Variants in CES3 observed in about 807,000 individuals in gnomAD.
The protein encoded by CES3 is carboxylesterase 3 (brain).
A neutral mutation model predicts 57.6 loss-of-function variants in CES3; 49 were observed. That is an observed-to-expected ratio of 0.85 (90% CI 0.68 to 1.08). The LOEUF (loss-of-function observed/expected upper bound fraction) is 1.08. CES3 is among the 50% of genes least tolerant of loss of function. CES3 has a pLI of 0.00. For missense variants in CES3, 645 were observed against 742.0 expected, an observed-to-expected ratio of 0.87 and a Z score of 1.52; for synonymous variants, 266 against 281.6, an observed-to-expected ratio of 0.94 and a Z score of 0.55.
At position 66,969,728 on chromosome 16, in the gene CES3, T is replaced by C. The variant is rs1471104777; in HGVS notation, c.1112T>C (p.Leu371Pro). The C allele has an allele frequency of 1.2e-6, 2 of 1,613,334 alleles. No homozygotes were observed. Among genetic ancestry groups the C allele is most frequent in the Non-Finnish European group, 1.7e-6 (2 of 1,179,712 alleles). ...GAGCAGATGAGCCGGGAGGACATGC[T>C]GGCCATCTCAACACCCGTCTTGACC... ...TMEQMSREDMLAISTPVLTSL... is the reference protein window; with the variant it reads ...TMEQMSREDMPAISTPVLTSL... The change falls in exon 9 of 13, where the codon CTG becomes CCG. Residue 371 changes from leucine to proline, a missense_variant. Physicochemically the swap from Leu to Pro is moderately conservative, Grantham distance 98. Transcript: ENST00000303334.
rs1337622942 is a variant in CES3, at chr16:66,972,388, C to T, written c.1324C>T (p.Gln442Ter). The T allele has an allele frequency of 6.2e-7, 1 of 1,610,886 alleles. No homozygotes were observed. Among genetic ancestry groups the T allele is most frequent in the Non-Finnish European group, 8.5e-7 (1 of 1,178,432 alleles). Residue 442 changes from glutamine to a stop codon, truncating the protein, a stop_gained, in exon 11 of 13, where the codon CAG (glutamine) becomes TAG (stop). Transcript: ENST00000303334. LOFTEE classifies it high-confidence loss of function. ...AAGCCCTGTCTTTTTCTATGAGTTCCAGCATCGACCCAGTTCTTTTGCGAA... is the reference window on the plus strand; with the variant it reads ...AAGCCCTGTCTTTTTCTATGAGTTCTAGCATCGACCCAGTTCTTTTGCGAA... ...SGSPVFFYEF[Q>*]HRPSSFAKIK...
At chr16:66,962,721 A>AC (rs1302432861) in intron 1 of CES3, among the ~76,000 whole-genome samples, 3 of 151,778 alleles carry the variant, frequency 2.0e-5, no homozygotes, top group African/African-American at 7.3e-5. Flanking sequence ...ACATGATGAA[A>AC]CCCCGTCTCT....
Position 66,963,289 on chromosome 16 carries a change from T to C in CES3, c.193T>C (p.Phe65Leu), listed in dbSNP as rs545984352. ...TGTGAATGTCTTTCTGGGCATTCCA[T>C]TTGCCCAGCCGCCACTGGGCCCTGA... ...RLVNVFLGIP[F>L]AQPPLGPDRF... is the part of the protein sequence containing the mutation. Residue 65 changes from phenylalanine (F) to leucine (L), a missense_variant, in exon 2 of 13, where the codon TTT (phenylalanine) becomes CTT (leucine). Phe to Leu is a conservative substitution (Grantham distance 22). Coordinates refer to ENST00000303334, the MANE Select transcript of CES3 (RefSeq NM_024922.6). This position sits in a 1 kb window ranked among gnomAD's most constrained non-coding sequence, Gnocchi z 4.9. The C allele has an allele frequency of 1.1e-5, 18 of 1,613,516 alleles. No individual in the cohort carries two copies. Among genetic ancestry groups the C allele is most frequent in the Non-Finnish European group, 1.4e-5 (16 of 1,179,994 alleles).
chr16:66,966,845 T>C lies in CES3; in HGVS notation c.1042T>C (p.Phe348Leu). 1 of 1,614,022 alleles carries C rather than the reference T, an allele frequency of 6.2e-7. No homozygotes were observed. Among genetic ancestry groups the C allele is most frequent in the South Asian group, 1.1e-5 (1 of 91,080 alleles). ...CCTCATGGGTGTCAACAACCATGAG[T>C]TCAGCTGGCTCATCCCCAGGGTGAG... ...PFLMGVNNHE[F>L]SWLIPRGWGL... The change falls in exon 8 of 13, where the codon TTC (phenylalanine) becomes CTC (leucine). Residue 348 changes from phenylalanine to leucine, a missense_variant. Transcript: ENST00000303334.
In CES3 at chr16:66,973,341, T is replaced by G; in HGVS notation, c.*292T>G. 2.9e-6 allele frequency: 1 copy of G among 345,854 alleles called. No homozygotes were observed. The highest frequency in any genetic ancestry group is 6.0e-5 in the East Asian group (1 of 16,606). 21.4% of individuals were successfully genotyped at this position (345,854 alleles called of 1,614,324 possible). A position where few individuals can be genotyped will look rare whatever the true frequency, so the allele number is the denominator to read the frequency against. ...GGAGGACTCACTCCCCCAGGAAGCCTTCCCTGCCTTCTCTGGGCTGTGCGG... is the reference window on the plus strand; with the variant it reads ...GGAGGACTCACTCCCCCAGGAAGCCGTCCCTGCCTTCTCTGGGCTGTGCGG... On this transcript the variant is annotated 3_prime_UTR_variant, in exon 13 of 13. Coordinates refer to ENST00000303334, the MANE Select transcript of CES3 (RefSeq NM_024922.6).
chr16:66,970,505 T>G (rs1322194234), intron 9 of CES3, among the ~76,000 whole-genome samples: 4 of 152,046 alleles, frequency 2.6e-5, no homozygotes, highest in Non-Finnish European at 2.9e-5. Flanking sequence ...AGAGGCAGAG[T>G]TTAAGCCAGT....
intron 6 of CES3, among the ~76,000 whole-genome samples, chr16:66,965,918 C>T (rs1024138658): frequency 2.6e-5 from 4 of 152,012 alleles, no homozygotes; most frequent in Admixed American, 1.3e-4. Context: ...CCAGCCTGGG[C>T]GACAGAGCGA....
intron 11 of CES3, 22 bp downstream of exon 11, chr16:66,972,527 T>TA (rs1963855198): frequency 6.2e-7 from 1 of 1,608,096 alleles, no homozygotes; most frequent in African/African-American, 1.3e-5. Context: ...CAGACAGACA[T>TA]GTGATCCCTA....
At position 66,974,914 on chromosome 16, in the gene CES3, G is replaced by T. The variant is rs1365390174; in HGVS notation, c.*1865G>T. ...ACTCTGTATCTAGCTAATCTAGTGGGGATGTGGAGAACCTTTGTGTCTAGC... is the reference window on the plus strand; with the variant it reads ...ACTCTGTATCTAGCTAATCTAGTGGTGATGTGGAGAACCTTTGTGTCTAGC... On this transcript the variant is annotated 3_prime_UTR_variant, in exon 13 of 13. Transcript: ENST00000303334. 6.6e-6 allele frequency: 1 copy of T among 152,204 alleles called. No individual in the cohort carries two copies. Among genetic ancestry groups the T allele is most frequent in the Non-Finnish European group, 1.5e-5 (1 of 68,090 alleles). 9.4% of individuals were successfully genotyped at this position (152,204 alleles called of 1,614,324 possible). A position where few individuals can be genotyped will look rare whatever the true frequency, so the allele number is the denominator to read the frequency against.
At chr16:66,969,629 GGGTGAGCC>G in intron 8 of CES3, 42 bp from the exon 9 acceptor site, 1 of 1,562,918 alleles carries the variant, frequency 6.4e-7, no homozygotes, top group Non-Finnish European at 8.8e-7. Flanking sequence ...CTGGGAGTCG[GGGTGAGCC>G]GGTGGTCAGG....
In CES3 at chr16:66,963,153, C is replaced by T. The variant is rs1012046537; in HGVS notation, c.83-26C>T. ...CCCTCATGGGGGCTGCAAACTCACCCCGTGGCCTTTCTGTCCTTCCCTCAG... is the reference window on the plus strand; with the variant it reads ...CCCTCATGGGGGCTGCAAACTCACCTCGTGGCCTTTCTGTCCTTCCCTCAG... On this transcript the variant is annotated intron_variant, in intron 1 of 12. Transcript: ENST00000303334. The surrounding 1 kb of genome is among the most constrained non-coding windows in gnomAD (Gnocchi z 4.9). 3.1e-5 allele frequency: 50 copies of T among 1,612,954 alleles called. No individual in the cohort carries two copies. Among genetic ancestry groups the T allele is most frequent in the Non-Finnish European group, 4.2e-5 (49 of 1,179,016 alleles).
intron 9 of CES3, among the ~76,000 whole-genome samples, chr16:66,970,383 C>A (rs1267567396): frequency 6.6e-6 from 1 of 152,202 alleles, no homozygotes; most frequent in Non-Finnish European, 1.5e-5. Flanking sequence ...GCTGGGATTG[C>A]GAGCGTGGAG....
At position 66,973,373 on chromosome 16, in the gene CES3, G is replaced by A; in HGVS notation, c.*324G>A. On this transcript the variant is annotated 3_prime_UTR_variant, in exon 13 of 13. Transcript: ENST00000303334. ...CCTTCTCTGGGCTGTGCGGCCCCGA[G>A]TCTGCGTCCATTAGAGCACAGTCCA... 1 of 269,284 alleles carries A rather than the reference G, an allele frequency of 3.7e-6. No homozygotes were observed. Among genetic ancestry groups the A allele is most frequent in the Non-Finnish European group, 7.2e-6 (1 of 139,226 alleles). 16.7% of individuals were successfully genotyped at this position (269,284 alleles called of 1,614,324 possible).
Position 66,971,155 on chromosome 16 carries a change from C to T in CES3, c.1144-17C>T, listed in dbSNP as rs1460233799. 3 of 1,608,680 alleles carry T rather than the reference C, an allele frequency of 1.9e-6. No homozygotes were observed. Among genetic ancestry groups the T allele is most frequent in the Non-Finnish European group, 1.7e-6 (2 of 1,176,930 alleles). Reference sequence around the variant, plus strand: ...CTGTGCACCCTGAGCAGGGCTGAGCCTGGCCTCTTGCCCCAGGATGTGCCC... The same window carrying T: ...CTGTGCACCCTGAGCAGGGCTGAGCTTGGCCTCTTGCCCCAGGATGTGCCC... On this transcript the variant is annotated splice_polypyrimidine_tract_variant and intron_variant, in intron 9 of 12. Coordinates refer to ENST00000303334, the MANE Select transcript of CES3 (RefSeq NM_024922.6).
At chr16:66,969,381 G>A (rs1381494017) in intron 8 of CES3, among the ~76,000 whole-genome samples, 2 of 152,232 alleles carry the variant, frequency 1.3e-5, no homozygotes, top group Non-Finnish European at 2.9e-5. Flanking sequence ...ACTCCAGCCT[G>A]GGCAACGGAG....
chr16:66,972,887 C>G lies in CES3; in HGVS notation c.1554C>G (p.Pro518=). ...ATAGCAAGGCTCTGCCTCCTTGGCC[C>G]CAATTCAACCAGGCGGAACAATATC... is the stretch of plus-strand genomic sequence containing the variant. ...DPNSKALPPW[P]QFNQAEQYLE... Residue 518 remains proline (P), a synonymous_variant, in exon 13 of 13, where the codon CCC becomes CCG. Transcript: ENST00000303334. 1 of 1,614,184 alleles carries G rather than the reference C, an allele frequency of 6.2e-7. No homozygotes were observed. Among genetic ancestry groups the G allele is most frequent in the Non-Finnish European group, 8.5e-7 (1 of 1,180,036 alleles).
chr16:66,971,099 G>C, intron 9 of CES3, 73 bp from the exon 10 acceptor site: 1 of 1,517,656 alleles, frequency 6.6e-7, no homozygotes, highest in Admixed American at 2.0e-5. Flanking sequence ...ATGCTGGAGA[G>C]TTTGGGGCTT....
rs975535548 is a variant in CES3, at chr16:66,974,536, C to G, written c.*1487C>G. The G allele has an allele frequency of 6.5e-6, 1 of 154,310 alleles. No homozygotes were observed. Among genetic ancestry groups the G allele is most frequent in the African/African-American group, 2.4e-5 (1 of 40,984 alleles). The allele number at this position is 154,310 out of a possible 1,614,324, so 9.6% of individuals were successfully genotyped here. On this transcript the variant is annotated 3_prime_UTR_variant, in exon 13 of 13. Transcript: ENST00000303334. ...CACCCCCCGTGGGCTCCTGTGCGGC[C>G]GGAGCCTCCCCAAGGAGCGCCGCCC...
intron 7 of CES3, 135 bp from the exon 8 acceptor site, chr16:66,966,588 TTA>T: frequency 8.4e-7 from 1 of 1,188,510 alleles, no homozygotes; most frequent in Non-Finnish European, 1.2e-6. Context: ...CCCGACCCCC[TTA>T]ACCCTGGTGA....
Sources: allele counts gnomAD v4.1 joint callset (sites outside exome capture counted in the v4.1 genomes callset), GRCh38; gene constraint gnomAD v4.1.1; non-coding constraint Gnocchi (gnomAD v3.1); transcripts MANE v1.5; gene names NCBI Gene and HGNC (gene_info 2026-07-23, HGNC 2026-07-21).